The following LPIN3 variants were observed in gnomAD, a reference collection of about 807,000 sequenced individuals.
LPIN3 encodes the protein phosphatidate phosphatase LPIN3.
LPIN3 carries 82 observed loss-of-function variants against 94.7 expected under a neutral mutation model. That is an observed-to-expected ratio of 0.87 (90% confidence interval 0.72 to 1.04). The LOEUF is 1.04. LPIN3 is among the 50% of genes least tolerant of loss of function. LPIN3 has a pLI of 0.00. For synonymous variants in LPIN3, 418 were observed against 443.3 expected (o/e 0.94, Z 0.72); for missense variants, 996 against 1,090.5 (o/e 0.91, Z 1.22).
At chr20:41,355,725 C>A (rs1296404528) in intron 13 of LPIN3, among the ~76,000 whole-genome samples, 171 bp from the exon 14 acceptor site, 2 of 152,212 alleles carry the variant, frequency 1.3e-5, no homozygotes, top group African/African-American at 4.8e-5. Context: ...TGCCAGCCTG[C>A]ACCCCTGTGT....
Position 41,348,686 on chromosome 20 carries a change from A to T in LPIN3, c.356A>T (p.Asp119Val). 1 of 1,613,328 alleles carries T rather than the reference A, an allele frequency of 6.2e-7. No homozygotes were observed. The highest frequency in any genetic ancestry group is 1.1e-5 in the South Asian group (1 of 91,030). ...PWGGLSGFPS[D>V]SQLGTASEPE... ...GGGGGTCTGTCTGGCTTCCCCTCGG[A>T]CTCCCAGCTGGGCACTGCCAGTGAG... is the stretch of plus-strand genomic sequence containing the variant. Residue 119 changes from aspartate (D) to valine (V), a missense_variant, in exon 4 of 20, where the codon GAC (aspartate) becomes GTC (valine). Physicochemically the swap from Asp to Val is radical, Grantham distance 152 (BLOSUM62 -3). Transcript: ENST00000373257.
At chr20:41,346,285 G>T (rs1318084038) in intron 2 of LPIN3, among the ~76,000 whole-genome samples, 1 of 152,202 alleles carries the variant, frequency 6.6e-6, no homozygotes, top group African/African-American at 2.4e-5. Context: ...TGTGTTCTTG[G>T]TAAGTCACTT....
Position 41,357,337 on chromosome 20 carries a change from G to C in LPIN3, c.1953-24G>C, listed in dbSNP as rs367883035. 8.7e-6 allele frequency: 14 copies of C among 1,612,204 alleles called. No homozygotes were observed. The African/African-American group carries it at 1.7e-4, about 20-fold the overall frequency. On this transcript the variant is annotated intron_variant, in intron 15 of 19. Transcript: ENST00000373257. ...CTGGGCCACGTGGAGCTGCCTTGGA[G>C]TAACCCTTCCTCTCTCACTCTAGGT... is the stretch of plus-strand genomic sequence containing the variant.
intron 7 of LPIN3, among the ~76,000 whole-genome samples, 157 bp downstream of exon 7, chr20:41,350,554 T>C (rs1350231746): frequency 6.6e-6 from 1 of 152,166 alleles, no homozygotes; most frequent in African/African-American, 2.4e-5. Context: ...GGGAGACAGA[T>C]GCTGCATGTG....
At chr20:41,356,920 G>A (rs991090800) in intron 14 of LPIN3, 120 bp from the exon 15 acceptor site, 28 of 1,196,372 alleles carry the variant, frequency 2.3e-5, no homozygotes, top group Non-Finnish European at 3.2e-5. Flanking sequence ...AAGCATCTCT[G>A]AGCTGGGAGG....
intron 1 of LPIN3, among the ~76,000 whole-genome samples, chr20:41,343,087 A>G (rs959640126): frequency 3.9e-5 from 6 of 152,306 alleles, no homozygotes; most frequent in East Asian, 1.9e-4. Flanking sequence ...CTGGCATCTA[A>G]TGGGCAGAGA....
At chr20:41,348,919 T>C (rs2045893109) in intron 4 of LPIN3, 32 bp downstream of exon 4, 3 of 1,591,362 alleles carry the variant, frequency 1.9e-6, no homozygotes, top group Non-Finnish European at 2.6e-6. Context: ...TGAACCCCAG[T>C]TTGGGGGTTC....
intron 3 of LPIN3, 118 bp downstream of exon 3, chr20:41,347,765 A>T: frequency 1.2e-6 from 1 of 847,772 alleles, no homozygotes; most frequent in Non-Finnish European, 1.8e-6. Flanking sequence ...CCACCAGCAG[A>T]GGTCTGAGGC....
At chr20:41,355,279 T>G (rs889330063) in intron 13 of LPIN3, among the ~76,000 whole-genome samples, 1 of 152,168 alleles carries the variant, frequency 6.6e-6, no homozygotes, top group Non-Finnish European at 1.5e-5. Context: ...TCCCAGAGTG[T>G]TGGGATTACA....
Position 41,358,441 on chromosome 20 carries a change from T to C in LPIN3, c.2310T>C (p.Asp770=). The change falls in exon 19 of 20, where the codon GAT becomes GAC. Residue 770 remains aspartate (D), a splice_region_variant and synonymous_variant. Coordinates refer to ENST00000373257, the MANE Select transcript of LPIN3 (RefSeq NM_022896.3). ...FYAAFGNRPN[D]VFAYRQVGLP... is the part of the protein sequence containing the mutation. Reference sequence around the variant, plus strand: ...TGGGCCCCTCCTGTCTCCCACAGGATGTCTTTGCCTACCGGCAGGTGGGCC... The same window carrying C: ...TGGGCCCCTCCTGTCTCCCACAGGACGTCTTTGCCTACCGGCAGGTGGGCC... 1 of 1,614,044 alleles carries C rather than the reference T, an allele frequency of 6.2e-7. No individual in the cohort carries two copies. The highest frequency in any genetic ancestry group is 8.5e-7 in the Non-Finnish European group (1 of 1,179,970).
At position 41,352,781 on chromosome 20, in the gene LPIN3, C is replaced by G. The variant is rs766837930; in HGVS notation, c.1458-17C>G. 3.0e-5 allele frequency: 49 copies of G among 1,613,940 alleles called. No homozygotes were observed. The highest frequency in any genetic ancestry group is 4.0e-5 in the Non-Finnish European group (47 of 1,179,864). On this transcript the variant is annotated splice_polypyrimidine_tract_variant and intron_variant, in intron 10 of 19. Coordinates refer to ENST00000373257, the MANE Select transcript of LPIN3 (RefSeq NM_022896.3). ...CCTGCAGCTGCTGCAGCTTGATGCC[C>G]TGTTCTGTCTCTCTAGGCATTATAA...
At chr20:41,351,264 T>G (rs2046000512) in intron 7 of LPIN3, among the ~76,000 whole-genome samples, 1 of 149,936 alleles carries the variant, frequency 6.7e-6, no homozygotes, top group South Asian at 2.1e-4. Context: ...AATTAAAAAT[T>G]AAATTAAATT....
rs141137563 is a variant in LPIN3, at chr20:41,356,035, G to A, written c.1803+1G>A. 4 of 1,613,216 alleles carry A rather than the reference G, an allele frequency of 2.5e-6. No homozygotes were observed. The highest frequency in any genetic ancestry group is 3.4e-6 in the Non-Finnish European group (4 of 1,179,338). ...CCTCCGCCTCTCCTCCGATCAGATC[G>A]TAAGTGTGGGTTGTCTGTGTGGAGG... On this transcript the variant is annotated splice_donor_variant, in intron 14 of 19. Coordinates refer to ENST00000373257, the MANE Select transcript of LPIN3 (RefSeq NM_022896.3). LOFTEE classifies it high-confidence loss of function.
intron 8 of LPIN3, 44 bp from the exon 9 acceptor site, chr20:41,352,016 C>T (rs768491088): frequency 3.0e-5 from 48 of 1,613,346 alleles, no homozygotes; most frequent in Middle Eastern, 1.6e-4. Flanking sequence ...ACCCATCTCC[C>T]GCCCTCCTCG....
chr20:41,351,738 G>A (rs2046022022), intron 7 of LPIN3, 83 bp from the exon 8 acceptor site: 2 of 1,265,326 alleles, frequency 1.6e-6, no homozygotes, highest in Non-Finnish European at 2.3e-6. Flanking sequence ...CACTGCCTTA[G>A]AGAATTCAGA....
intron 3 of LPIN3, among the ~76,000 whole-genome samples, chr20:41,348,088 G>A (rs1421149176): frequency 2.0e-5 from 3 of 152,160 alleles, no homozygotes; most frequent in Non-Finnish European, 4.4e-5. Context: ...GCAGGGCCCA[G>A]CAGAAGCCAG....
rs2046232889 is a variant in LPIN3 at position 41,357,061 on chromosome 20, G to C, written c.1825G>C (p.Gly609Arg). The change falls in exon 15 of 20, where the codon GGT becomes CGT. Residue 609 changes from glycine (G) to arginine (R), a missense_variant. Transcript: ENST00000373257. ...TCAGCGGCGCCTGAACCTGCAAGAA[G>C]GTGCCAATGATGTGGTCTTCAGCGT... Reference protein sequence around the residue: ...DQIRRLNLQEGANDVVFSVTT... With the variant: ...DQIRRLNLQERANDVVFSVTT... The C allele has an allele frequency of 2.5e-6, 4 of 1,613,230 alleles. No homozygotes were observed. Among genetic ancestry groups the C allele is most frequent in the Non-Finnish European group, 3.4e-6 (4 of 1,179,382 alleles).
At chr20:41,347,780 G>C (rs1294749314) in intron 3 of LPIN3, 133 bp downstream of exon 3, 1 of 740,098 alleles carries the variant, frequency 1.4e-6, no homozygotes, top group African/African-American at 1.8e-5. Flanking sequence ...TGAGGCAGGG[G>C]TATCAGTTGG....
In LPIN3 at chr20:41,357,024, CTT is replaced by C; in HGVS notation, c.1804-14_1804-13del. ...CTGTCATCAATCACGACACACCCCCCTTTGTCTGGCCTCAGCGGCGCCTGAAC... is the reference window on the plus strand; with the variant it reads ...CTGTCATCAATCACGACACACCCCCCTGTCTGGCCTCAGCGGCGCCTGAAC... On this transcript the variant is annotated splice_polypyrimidine_tract_variant and intron_variant, in intron 14 of 19. Coordinates refer to ENST00000373257, the MANE Select transcript of LPIN3 (RefSeq NM_022896.3). 3.7e-6 allele frequency: 6 copies of C among 1,607,070 alleles called. No individual in the cohort carries two copies. Among genetic ancestry groups the C allele is most frequent in the South Asian group, 3.3e-5 (3 of 90,878 alleles).
Sources: gnomAD v4.1 joint callset for allele counts (sites outside exome capture counted in the v4.1 genomes callset) on GRCh38, gnomAD v4.1.1 for gene constraint, MANE v1.5 for transcripts, NCBI Gene and HGNC (gene_info 2026-07-23, HGNC 2026-07-21) for gene names.